Variants in NECTIN3 observed in about 807,000 individuals in gnomAD.
NECTIN3 encodes the protein nectin cell adhesion molecule 3, also known as nectin-3.
NECTIN3 carries 8 observed loss-of-function variants against 49.4 expected under a neutral mutation model. The ratio of observed to expected loss-of-function variants is 0.16; its 90% confidence interval spans 0.10 to 0.29. NECTIN3 has a LOEUF of 0.29. Among genes scored for constraint, NECTIN3 ranks in the 10% least tolerant of loss-of-function variants. The pLI is 1.00. For missense variants in NECTIN3, 581 were observed against 654.6 expected, an observed-to-expected ratio of 0.89 and a Z score of 1.23; for synonymous variants, 277 against 241.1, an observed-to-expected ratio of 1.15 and a Z score of -1.38.
rs1426036514 is a variant in NECTIN3, at chr3:111,072,535, G to A, written c.160+358G>A. 8 of 1,535,740 alleles carry A rather than the reference G, an allele frequency of 5.2e-6. No individual in the cohort carries two copies. In the African/African-American group the frequency reaches 1.1e-4, roughly 21 times the overall value. On this transcript the variant is annotated intron_variant, in intron 1 of 5. Transcript: ENST00000485303. The stretch of plus-strand genomic sequence containing the variant: ...CGTAGGTTAAGGTGCCGGGATGCAC[G>A]TTTGCCGCTTTTTTTCCCGGTGAAA...
chr3:111,189,027 A>C (rs2035769959), upstream of NECTIN3, among the ~76,000 whole-genome samples: 1 of 152,180 alleles, frequency 6.6e-6, no homozygotes, highest in Non-Finnish European at 1.5e-5. Context: ...TGTTGTTACC[A>C]GAGGCTATGT....
chr3:111,142,233 A>G (rs992061119), downstream of NECTIN3, among the ~76,000 whole-genome samples: 4 of 151,962 alleles, frequency 2.6e-5, no homozygotes, highest in Non-Finnish European at 5.9e-5. Flanking sequence ...AACATGAAAT[A>G]TATCCCATAT....
intron 2 of NECTIN3, among the ~76,000 whole-genome samples, chr3:111,118,023 C>A (rs2033762195): frequency 1.3e-5 from 2 of 151,282 alleles, no homozygotes; most frequent in African/African-American, 2.4e-5. Context: ...ATTCAGCAGC[C>A]CTAATTGGTT....
Position 111,135,489 on chromosome 3 carries a change from A to G in NECTIN3, c.*1274A>G, listed in dbSNP as rs1279578028. 1.2e-5 allele frequency: 12 copies of G among 971,976 alleles called. No individual in the cohort carries two copies. The highest frequency in any genetic ancestry group is 6.2e-5 in the Admixed American group (1 of 16,156). The allele number at this position is 971,976 out of a possible 1,614,324, so 60.2% of individuals were successfully genotyped here. A position where few individuals can be genotyped will look rare whatever the true frequency, so the allele number is the denominator to read the frequency against. On this transcript the variant is annotated 3_prime_UTR_variant, in exon 6 of 6. Transcript: ENST00000485303. ...ACTTCAAATGTGCTTTTTGTTTGTG[A>G]GGTAATTAAATTGCTTCTACAGTGG...
At chr3:111,072,212 G>T (rs766730895) in intron 1 of NECTIN3, 35 bp downstream of exon 1, 22 of 1,524,384 alleles carry the variant, frequency 1.4e-5, no homozygotes, top group Non-Finnish European at 1.8e-5. Flanking sequence ...TGGGCTGAGG[G>T]AGCCGCCACT....
Position 111,172,972 on chromosome 3 carries a change from G to A in NECTIN3, c.1222-19379G>A, listed in dbSNP as rs960741116. Among the ~76,000 whole-genome samples, 5 of 152,216 alleles carry A rather than the reference G, an allele frequency of 3.3e-5. No individual in the cohort carries two copies. The East Asian group carries it at 7.7e-4, about 24-fold the overall frequency. On this transcript the variant is annotated intron_variant, in intron 7 of 8. Transcript: ENST00000493615. ...ACAGCTTTTGAAGTCACTTATATCC[G>A]GTATGATCTTTCCATTTTTTCCTCC... is the stretch of plus-strand genomic sequence containing the variant.
At chr3:111,140,870 C>T (rs1365822386), downstream of NECTIN3, among the ~76,000 whole-genome samples, 1 of 151,878 alleles carries the variant, frequency 6.6e-6, no homozygotes, top group Non-Finnish European at 1.5e-5. Flanking sequence ...CAGTGCCAAT[C>T]CATGTATTAT....
intron 1 of NECTIN3, among the ~76,000 whole-genome samples, chr3:111,087,622 CAGCCT>C (rs2032009870): frequency 6.6e-6 from 1 of 151,836 alleles, no homozygotes. Context: ...CACTGCACTC[CAGCCT>C]GAGCAACAGA....
At chr3:111,095,097 G>A (rs537677529) in intron 1 of NECTIN3, among the ~76,000 whole-genome samples, 7 of 152,244 alleles carry the variant, frequency 4.6e-5, no homozygotes, top group African/African-American at 9.6e-5. Context: ...CATACCAGAA[G>A]AAATTAGTGG....
chr3:111,073,661 T>C (rs1474544779), intron 1 of NECTIN3, among the ~76,000 whole-genome samples: 1 of 152,314 alleles, frequency 6.6e-6, no homozygotes, highest in South Asian at 2.1e-4. Flanking sequence ...TTGCTTACAG[T>C]TGAGTGAGAG....
At chr3:111,120,592 C>G (rs1234084227) in intron 3 of NECTIN3, among the ~76,000 whole-genome samples, 1 of 151,852 alleles carries the variant, frequency 6.6e-6, no homozygotes, top group Non-Finnish European at 1.5e-5. Context: ...AGTACCTTAT[C>G]AAAAGTTCAA....
intron 1 of NECTIN3, among the ~76,000 whole-genome samples, chr3:111,105,499 G>T (rs778033977): frequency 6.6e-6 from 1 of 152,078 alleles, no homozygotes; most frequent in South Asian, 2.1e-4. Context: ...CTAATTTTCT[G>T]CTGCTAATGC....
intron 5 of NECTIN3, among the ~76,000 whole-genome samples, chr3:111,144,519 C>CT (rs2107507340): frequency 6.6e-6 from 1 of 151,828 alleles, no homozygotes; most frequent in East Asian, 1.9e-4. Context: ...TGCTAAATGT[C>CT]TGTATTACTG....
At chr3:111,176,993 T>C (rs923429257) in intron 7 of NECTIN3, among the ~76,000 whole-genome samples, 3 of 152,170 alleles carry the variant, frequency 2.0e-5, no homozygotes, top group African/African-American at 7.2e-5. Context: ...GTATTGAAGA[T>C]TTTAGGCGGC....
chr3:111,164,666 T>C (rs1483771663), intron 7 of NECTIN3, among the ~76,000 whole-genome samples: 1 of 152,234 alleles, frequency 6.6e-6, no homozygotes, highest in African/African-American at 2.4e-5. Flanking sequence ...TGGCATTCCC[T>C]GGCTTATAAT....
rs1458911844 is a variant in NECTIN3, at chr3:111,136,373, G to C, written c.*2158G>C. ...AGGTTTTTTTGTTTGTTTCTTTTGT[G>C]TTTGTTTGGCGGGAGAGGGTGACCT... On this transcript the variant is annotated 3_prime_UTR_variant, in exon 6 of 6. Coordinates refer to ENST00000485303, the MANE Select transcript of NECTIN3 (RefSeq NM_015480.3). 1 of 984,468 alleles carries C rather than the reference G, an allele frequency of 1.0e-6. No individual in the cohort carries two copies. The highest frequency in any genetic ancestry group is 1.2e-6 in the Non-Finnish European group (1 of 829,420). The allele number at this position is 984,468 out of a possible 1,614,324, so 61.0% of individuals were successfully genotyped here. A position where few individuals can be genotyped will look rare whatever the true frequency, so the allele number is the denominator to read the frequency against.
chr3:111,130,106 G>A (rs749693783), intron 5 of NECTIN3, among the ~76,000 whole-genome samples: 1 of 151,810 alleles, frequency 6.6e-6, no homozygotes, highest in African/African-American at 2.4e-5. Flanking sequence ...ACAGGTGGCC[G>A]CCACTACGCC....
chr3:111,072,263 T>TG (rs1350024788), intron 1 of NECTIN3, 86 bp downstream of exon 1: 6 of 1,471,414 alleles, frequency 4.1e-6, no homozygotes, highest in Non-Finnish European at 5.4e-6. Flanking sequence ...AGCCGTTCTC[T>TG]GGAGCAGCGA....
chr3:111,123,477 T>C (rs1410152619), intron 4 of NECTIN3, among the ~76,000 whole-genome samples: 1 of 152,062 alleles, frequency 6.6e-6, no homozygotes, highest in African/African-American at 2.4e-5. Flanking sequence ...AGTAATCAGG[T>C]AGAGATGTGA....
Sources: allele counts gnomAD v4.1 joint callset (sites outside exome capture counted in the v4.1 genomes callset), GRCh38; gene constraint gnomAD v4.1.1; transcripts MANE v1.5; gene names NCBI Gene and HGNC (gene_info 2026-07-23, HGNC 2026-07-21).